Variants in NEMP2 observed in about 807,000 individuals in gnomAD.
NEMP2 encodes UPF0571 transmembrane protein.
In NEMP2, 53 loss-of-function variants were observed where a neutral mutation model predicts 54.2. The observed-to-expected ratio is 0.98, with a 90% CI of 0.78 to 1.23. NEMP2 has a LOEUF of 1.23. Ranked by LOEUF, NEMP2 falls within the 50% of genes most tolerant of loss-of-function variation. The pLI is 0.00. For synonymous variants in NEMP2, 197 were observed against 190.3 expected, an observed-to-expected ratio of 1.04 and a Z score of -0.29; for missense variants, 455 against 511.3, an observed-to-expected ratio of 0.89 and a Z score of 1.06.
chr2:190,552,678 C>T, the NEMP2 span, among the ~76,000 whole-genome samples: 1 of 151,968 alleles, frequency 6.6e-6, no homozygotes, highest in South Asian at 2.1e-4. Flanking sequence ...TATGATCCCA[C>T]CACTGCACTC....
chr2:190,423,763 T>C, the NEMP2 span, among the ~76,000 whole-genome samples: 1 of 152,206 alleles, frequency 6.6e-6, no homozygotes, highest in African/African-American at 2.4e-5. The surrounding 1 kb of genome is among the most constrained non-coding windows in gnomAD (Gnocchi z 4.3). Flanking sequence ...CCACAGTATA[T>C]GAGTAATTTG....
chr2:190,591,636 A>C, the NEMP2 span, among the ~76,000 whole-genome samples: 4 of 152,332 alleles, frequency 2.6e-5, no homozygotes, highest in Non-Finnish European at 5.9e-5. The surrounding 1 kb of genome is among the most constrained non-coding windows in gnomAD (Gnocchi z 5.4). Flanking sequence ...AATATGTGAC[A>C]GTTCTGATAT....
chr2:190,469,723 T>A, the NEMP2 span: 125 of 1,202,858 alleles, frequency 1.0e-4, no homozygotes, highest in Non-Finnish European at 1.2e-4. This position sits in a 1 kb window ranked among gnomAD's most constrained non-coding sequence, Gnocchi z 5.3. Flanking sequence ...CCTTTGCTTT[T>A]TTTTATTTTA....
the NEMP2 span, among the ~76,000 whole-genome samples, chr2:190,557,474 G>T: frequency 6.6e-6 from 1 of 152,114 alleles, no homozygotes; most frequent in Non-Finnish European, 1.5e-5. Flanking sequence ...AATTGAAAGT[G>T]GGATTAATTA....
chr2:190,430,891 G>C, the NEMP2 span, among the ~76,000 whole-genome samples: 3 of 92,784 alleles, frequency 3.2e-5, no homozygotes, highest in Non-Finnish European at 4.4e-5. Flanking sequence ...GGGCGGAGAC[G>C]CTCCTCACTT....
the NEMP2 span, among the ~76,000 whole-genome samples, chr2:190,494,753 T>C: frequency 6.6e-6 from 1 of 152,148 alleles, no homozygotes; most frequent in African/African-American, 2.4e-5. This position sits in a 1 kb window ranked among gnomAD's most constrained non-coding sequence, Gnocchi z 5.7. Flanking sequence ...AAAAATCACA[T>C]GATCATCTCA....
At chr2:190,470,903 G>GTA in the NEMP2 span, among the ~76,000 whole-genome samples, 21,939 of 150,906 alleles carry the variant, frequency 0.15, 1,642 homozygotes, top group Middle Eastern at 0.18. Context: ...TAAAATTCAA[G>GTA]TATATATATA....
At chr2:190,436,700 C>A in the NEMP2 span, 3 of 1,614,164 alleles carry the variant, frequency 1.9e-6, no homozygotes, top group Non-Finnish European at 2.5e-6. The surrounding 1 kb of genome is among the most constrained non-coding windows in gnomAD (Gnocchi z 5.3). Context: ...AACAGTGAAC[C>A]CACTCTGCAG....
chr2:190,549,461 G>A, the NEMP2 span, among the ~76,000 whole-genome samples: 1 of 152,142 alleles, frequency 6.6e-6, no homozygotes, highest in African/African-American at 2.4e-5. Flanking sequence ...AGAAAAGGCA[G>A]GATAAGTGAT....
At position 190,519,628 on chromosome 2, in the gene NEMP2, T is replaced by A. The variant is rs966357949; in HGVS notation, c.214-445A>T. 1.3e-5 allele frequency among the ~76,000 whole-genome samples: 2 copies of A among 152,192 alleles called. No homozygotes were observed. Among genetic ancestry groups the A allele is most frequent in the African/African-American group, 2.4e-5 (1 of 41,442 alleles). ...CGCAGGGTAGAGTTCTATGTTCTGA[T>A]CCCAGAGGTGGACTCAAGAGATCTG... On this transcript the variant is annotated intron_variant, in intron 2 of 8. Transcript: ENST00000409150. The surrounding 1 kb of genome is among the most constrained non-coding windows in gnomAD (Gnocchi z 5.4).
At chr2:190,536,136 A>G (rs1458965073), upstream of NEMP2, 1 of 152,222 alleles carries the variant, frequency 6.6e-6, no homozygotes, top group African/African-American at 2.4e-5. Context: ...GAAACACCAC[A>G]TTTTTCTCTA....
At chr2:190,604,801 C>A in the NEMP2 span, among the ~76,000 whole-genome samples, 2 of 152,182 alleles carry the variant, frequency 1.3e-5, no homozygotes, top group Non-Finnish European at 2.9e-5. The surrounding 1 kb of genome is among the most constrained non-coding windows in gnomAD (Gnocchi z 4.5). Flanking sequence ...TCTTGGGTCA[C>A]ATTGTCATGC....
the NEMP2 span, among the ~76,000 whole-genome samples, chr2:190,426,893 G>A: frequency 1.3e-5 from 2 of 152,198 alleles, no homozygotes; most frequent in African/African-American, 4.8e-5. This position sits in a 1 kb window ranked among gnomAD's most constrained non-coding sequence, Gnocchi z 4.7. Flanking sequence ...GCAAGAGAAG[G>A]GAGGATGCTG....
the NEMP2 span, among the ~76,000 whole-genome samples, chr2:190,445,248 T>C: frequency 1.3e-5 from 2 of 152,150 alleles, no homozygotes; most frequent in Non-Finnish European, 2.9e-5. Flanking sequence ...GTCAGGCAGA[T>C]AGCAAAGATG....
the NEMP2 span, among the ~76,000 whole-genome samples, chr2:190,423,320 A>C: frequency 9.9e-5 from 15 of 152,258 alleles, no homozygotes; most frequent in East Asian, 2.9e-3. The surrounding 1 kb of genome is among the most constrained non-coding windows in gnomAD (Gnocchi z 4.3). Context: ...CCTGGCAATC[A>C]CCTGTCTATC....
the NEMP2 span, among the ~76,000 whole-genome samples, chr2:190,456,526 G>A: frequency 7.1e-4 from 108 of 152,168 alleles, no homozygotes; most frequent in Non-Finnish European, 1.3e-3. The surrounding 1 kb of genome is among the most constrained non-coding windows in gnomAD (Gnocchi z 5.4). Flanking sequence ...GAACTCCCTG[G>A]CTGCTCTAGG....
At chr2:190,570,037 G>A in the NEMP2 span, among the ~76,000 whole-genome samples, 1 of 152,200 alleles carries the variant, frequency 6.6e-6, no homozygotes, top group African/African-American at 2.4e-5. This position sits in a 1 kb window ranked among gnomAD's most constrained non-coding sequence, Gnocchi z 5.4. Context: ...CTTGGGGTAG[G>A]CAGTCCTCCT....
At chr2:190,427,292 G>A in the NEMP2 span, among the ~76,000 whole-genome samples, 3 of 152,218 alleles carry the variant, frequency 2.0e-5, no homozygotes, top group Non-Finnish European at 2.9e-5. Flanking sequence ...TGAGGGGTTG[G>A]GGGTTCCCCA....
rs1370107635 is a variant in NEMP2 at position 190,509,992 on chromosome 2, GATTGCACC to G, written c.1130+361_1130+368del. 2.6e-5 allele frequency among the ~76,000 whole-genome samples: 4 copies of G among 152,252 alleles called. No individual in the cohort carries two copies. Among genetic ancestry groups the G allele is most frequent in the African/African-American group, 9.6e-5 (4 of 41,472 alleles). Reference sequence around the variant, plus strand: ...GCAGGCGGAGGTTGCAATGAGCTGAGATTGCACCATTGCACTCCAGCCTGGGTGACAGA... The same window carrying G: ...GCAGGCGGAGGTTGCAATGAGCTGAGATTGCACTCCAGCCTGGGTGACAGA... On this transcript the variant is annotated intron_variant, in intron 8 of 8. Coordinates refer to ENST00000409150, the MANE Select transcript of NEMP2 (RefSeq NM_001142645.2). The surrounding 1 kb of genome is among the most constrained non-coding windows in gnomAD (Gnocchi z 6.1).
Sources: allele counts gnomAD v4.1 joint callset (sites outside exome capture counted in the v4.1 genomes callset), GRCh38; gene constraint gnomAD v4.1.1; non-coding constraint Gnocchi (gnomAD v3.1); transcripts MANE v1.5; gene names NCBI Gene and HGNC (gene_info 2026-07-23, HGNC 2026-07-21).